Variants in CCDC148 observed in about 807,000 individuals in gnomAD.
CCDC148 encodes coiled-coil domain-containing protein 148.
A neutral mutation model predicts 85.7 loss-of-function variants in CCDC148; 89 were observed. The observed-to-expected ratio is 1.04, with a 90% CI of 0.87 to 1.24. The LOEUF is 1.24. Ranked by LOEUF, CCDC148 falls within the 50% of genes most tolerant of loss-of-function variation. The pLI, the probability that CCDC148 is intolerant of heterozygous loss-of-function variation, is 0.00. For synonymous variants in CCDC148, 230 were observed against 213.9 expected (o/e 1.08, Z -0.66); for missense variants, 692 against 671.7 (o/e 1.03, Z -0.33).
At chr2:158,192,947 C>T (rs920516154) in intron 11 of CCDC148, among the ~76,000 whole-genome samples, 1 of 151,940 alleles carries the variant, frequency 6.6e-6, no homozygotes, top group South Asian at 2.1e-4. Flanking sequence ...TATTGTCAAC[C>T]CTGTCAATAT....
At chr2:158,363,226 A>G (rs945797804) in intron 1 of CCDC148, among the ~76,000 whole-genome samples, 2 of 152,248 alleles carry the variant, frequency 1.3e-5, no homozygotes, top group African/African-American at 4.8e-5. Context: ...GCTGAATTCT[A>G]TCAGAGGTAC....
chr2:158,350,807 T>C (rs1683226348), intron 2 of CCDC148, among the ~76,000 whole-genome samples: 1 of 152,222 alleles, frequency 6.6e-6, no homozygotes, highest in Non-Finnish European at 1.5e-5. Flanking sequence ...GATGTTTTGA[T>C]ACATATATAT....
At chr2:158,442,443 A>T (rs1460806324) in intron 1 of CCDC148, among the ~76,000 whole-genome samples, 12 of 152,212 alleles carry the variant, frequency 7.9e-5, no homozygotes, top group Admixed American at 7.9e-4. Flanking sequence ...GCATGGTAGA[A>T]AACAAAAAAT....
intron 10 of CCDC148, among the ~76,000 whole-genome samples, chr2:158,231,734 A>G (rs1399749343): frequency 6.6e-6 from 1 of 152,158 alleles, no homozygotes; most frequent in African/African-American, 2.4e-5. Context: ...ATAAGAGGGT[A>G]TCATTGATCA....
intron 10 of CCDC148, among the ~76,000 whole-genome samples, chr2:158,221,973 A>G (rs1687207457): frequency 6.6e-6 from 1 of 152,166 alleles, no homozygotes; most frequent in Non-Finnish European, 1.5e-5. Context: ...ATGCCAGGGA[A>G]TTCTATTAAT....
At chr2:158,306,324 C>T (rs1418994054) in intron 9 of CCDC148, among the ~76,000 whole-genome samples, 9 of 151,984 alleles carry the variant, frequency 5.9e-5, no homozygotes, top group African/African-American at 2.2e-4. Context: ...AGATCAAGAC[C>T]ATCCTGATTA....
intron 10 of CCDC148, among the ~76,000 whole-genome samples, chr2:158,225,223 A>C (rs376430797): frequency 1.3e-5 from 2 of 152,146 alleles, no homozygotes; most frequent in South Asian, 2.1e-4. Context: ...ATTACATAAT[A>C]GTAAAGGGAT....
intron 9 of CCDC148, among the ~76,000 whole-genome samples, chr2:158,255,056 C>G (rs997542321): frequency 4.8e-5 from 7 of 146,834 alleles, no homozygotes; most frequent in Admixed American, 4.1e-4. Context: ...AATCCTGAAA[C>G]AGCTGCAAAT....
At chr2:158,388,946 G>A (rs1685195989) in intron 1 of CCDC148, among the ~76,000 whole-genome samples, 1 of 152,190 alleles carries the variant, frequency 6.6e-6, no homozygotes, top group South Asian at 2.1e-4. Flanking sequence ...GGTAGTTGCA[G>A]ATGCCTGAAA....
chr2:158,363,389 G>C (rs1684054870), intron 1 of CCDC148, among the ~76,000 whole-genome samples: 1 of 152,132 alleles, frequency 6.6e-6, no homozygotes, highest in Non-Finnish European at 1.5e-5. Context: ...CAATATCCCT[G>C]ATGAAAATCA....
intron 2 of CCDC148, among the ~76,000 whole-genome samples, chr2:158,354,320 T>A (rs1295725676): frequency 1.3e-5 from 2 of 151,874 alleles, no homozygotes; most frequent in Admixed American, 6.6e-5. Flanking sequence ...ACAAAATTGA[T>A]AGACCGCTAG....
intron 7 of CCDC148, among the ~76,000 whole-genome samples, chr2:158,328,760 G>C (rs201241252): frequency 1.3e-5 from 2 of 152,266 alleles, no homozygotes; most frequent in African/African-American, 2.4e-5. Context: ...TTCTCTGATG[G>C]CCAGTGATGA....
intron 12 of CCDC148, chr2:158,178,253 A>T (rs1684692489): frequency 6.6e-6 from 1 of 152,028 alleles, no homozygotes; most frequent in Non-Finnish European, 1.5e-5. Flanking sequence ...GTCAATGAAG[A>T]TTTTAGAGAT....
intron 3 of CCDC148, among the ~76,000 whole-genome samples, chr2:158,344,472 T>G (rs1682894898): frequency 1.3e-5 from 2 of 152,094 alleles, no homozygotes; most frequent in Non-Finnish European, 2.9e-5. Flanking sequence ...AAATTAACTA[T>G]TTTGATATAA....
chr2:158,293,920 G>T (rs1447675596), intron 9 of CCDC148, among the ~76,000 whole-genome samples: 1 of 142,144 alleles, frequency 7.0e-6, no homozygotes, highest in Non-Finnish European at 1.5e-5. Context: ...AACCAATGAG[G>T]GGCATGGATG....
intron 1 of CCDC148, among the ~76,000 whole-genome samples, chr2:158,438,366 A>C (rs1316324712): frequency 1.3e-5 from 2 of 152,196 alleles, no homozygotes; most frequent in Non-Finnish European, 2.9e-5. Context: ...CAAAAACAAG[A>C]AATGGGGAAA....
chr2:158,373,859 G>A (rs530991212), intron 1 of CCDC148, among the ~76,000 whole-genome samples: 6 of 152,066 alleles, frequency 3.9e-5, no homozygotes, highest in East Asian at 3.9e-4. Context: ...TGTTGTTCAC[G>A]TCTACAATTA....
intron 9 of CCDC148, among the ~76,000 whole-genome samples, chr2:158,281,372 G>C (rs1690288674): frequency 2.0e-5 from 3 of 152,142 alleles, no homozygotes; most frequent in Admixed American, 2.0e-4. Flanking sequence ...AAAATTGATA[G>C]ACCGCTGGCA....
chr2:158,246,586 G>A (rs558317539), intron 10 of CCDC148, among the ~76,000 whole-genome samples: 2 of 152,114 alleles, frequency 1.3e-5, no homozygotes, highest in African/African-American at 2.4e-5. Flanking sequence ...GGAAAACTGG[G>A]ACCCAGTATA....
Sources: allele counts gnomAD v4.1 joint callset (sites outside exome capture counted in the v4.1 genomes callset), GRCh38; gene constraint gnomAD v4.1.1; transcripts MANE v1.5; gene names NCBI Gene and HGNC (gene_info 2026-07-23, HGNC 2026-07-21).